CNTN5: variants seen among roughly 807,000 people sequenced by gnomAD.
CNTN5 encodes contactin-5.
In CNTN5, 77 loss-of-function variants were observed where a neutral mutation model predicts 129.1. That is an observed-to-expected ratio of 0.60 (90% CI 0.50 to 0.72). CNTN5 has a LOEUF of 0.72. CNTN5 is among the 30% of genes least tolerant of loss of function. The pLI is 0.00. For synonymous variants in CNTN5, 509 were observed against 465.6 expected (o/e 1.09, Z -1.20); for missense variants, 1,478 against 1,328.8 (o/e 1.11, Z -1.75).
At chr11:99,668,993 A>C (rs1056580061) in intron 3 of CNTN5, among the ~76,000 whole-genome samples, 1 of 152,144 alleles carries the variant, frequency 6.6e-6, no homozygotes, top group Non-Finnish European at 1.5e-5. Context: ...CCACAAGACT[A>C]CAATTTTGAA....
At chr11:99,365,458 T>C (rs529329565) in intron 2 of CNTN5, among the ~76,000 whole-genome samples, 3 of 152,150 alleles carry the variant, frequency 2.0e-5, no homozygotes, top group Admixed American at 1.3e-4. Context: ...TGCTGTTTCA[T>C]AGAACATGTG....
chr11:100,295,583 T>C (rs1220876940), intron 18 of CNTN5, among the ~76,000 whole-genome samples: 3 of 151,530 alleles, frequency 2.0e-5, no homozygotes, highest in Non-Finnish European at 4.4e-5. Flanking sequence ...AGTTACTTTG[T>C]TTTATTCTAT....
chr11:99,817,640 CAG>C (rs1946636694), intron 3 of CNTN5, among the ~76,000 whole-genome samples: 2 of 118,820 alleles, frequency 1.7e-5, no homozygotes, highest in Admixed American at 1.1e-4. Flanking sequence ...ATGAGCAGGG[CAG>C]AGAGTTAAAA....
intron 7 of CNTN5, among the ~76,000 whole-genome samples, chr11:99,936,949 A>T (rs1191506354): frequency 6.6e-6 from 1 of 152,182 alleles, no homozygotes; most frequent in African/African-American, 2.4e-5. Context: ...CAACCATGAT[A>T]TCGATGGAGT....
chr11:99,776,040 G>A (rs1945112119), intron 3 of CNTN5, among the ~76,000 whole-genome samples: 1 of 151,842 alleles, frequency 6.6e-6, no homozygotes. Context: ...TGGTATTCTA[G>A]GTAAAATTTA....
chr11:99,738,616 C>CGTGTGTGTGTGTGTGTGTGTGTGT (rs113729274), intron 3 of CNTN5, among the ~76,000 whole-genome samples: 85 of 143,256 alleles, frequency 5.9e-4, no homozygotes, highest in African/African-American at 1.3e-3. Flanking sequence ...AAGACAGTAA[C>CGTGTGTGTGTGTGTGTGTGTGTGT]GTGTGTGTGT....
intron 13 of CNTN5, among the ~76,000 whole-genome samples, chr11:100,169,011 G>A (rs952515451): frequency 6.6e-6 from 1 of 151,976 alleles, no homozygotes; most frequent in African/African-American, 2.4e-5. Flanking sequence ...GAGTAGTATT[G>A]GAATTGGAGA....
At chr11:99,344,124 T>A (rs1866644959) in intron 2 of CNTN5, among the ~76,000 whole-genome samples, 1 of 152,154 alleles carries the variant, frequency 6.6e-6, no homozygotes, top group African/African-American at 2.4e-5. Flanking sequence ...AGTGCGTAAG[T>A]TTTCGGTAGA....
intron 3 of CNTN5, among the ~76,000 whole-genome samples, chr11:99,803,157 G>A (rs1946165224): frequency 6.6e-6 from 1 of 152,194 alleles, no homozygotes; most frequent in African/African-American, 2.4e-5. Flanking sequence ...TGACCCAGGT[G>A]AGCAGCTGCT....
At chr11:99,323,787 C>G (rs1865668473) in intron 1 of CNTN5, among the ~76,000 whole-genome samples, 1 of 152,100 alleles carries the variant, frequency 6.6e-6, no homozygotes, top group South Asian at 2.1e-4. Flanking sequence ...AAAATTCCTG[C>G]CTTTTTTAGT....
chr11:100,340,315 T>C (rs918549622), intron 21 of CNTN5, 148 bp from the exon 22 acceptor site: 17 of 582,776 alleles, frequency 2.9e-5, no homozygotes, highest in South Asian at 1.4e-4. Context: ...TTTGGCCTTA[T>C]TAGTAAGACC....
chr11:99,693,229 A>T (rs768034929), intron 3 of CNTN5, among the ~76,000 whole-genome samples: 62 of 152,170 alleles, frequency 4.1e-4, no homozygotes, highest in Non-Finnish European at 7.6e-4. Context: ...AGAAAATACA[A>T]ATATATTTAA....
chr11:99,637,417 A>T (rs1951603456), intron 3 of CNTN5, among the ~76,000 whole-genome samples: 1 of 152,216 alleles, frequency 6.6e-6, no homozygotes, highest in Non-Finnish European at 1.5e-5. Flanking sequence ...AACATAAGCA[A>T]ACACATCACA....
intron 1 of CNTN5, among the ~76,000 whole-genome samples, chr11:99,098,873 T>C (rs897676615): frequency 1.3e-5 from 2 of 152,160 alleles, no homozygotes; most frequent in Admixed American, 1.3e-4. Flanking sequence ...CTCAGCTGTC[T>C]TTAGTTTCAC....
At chr11:99,562,929 G>A (rs1948889270) in intron 3 of CNTN5, among the ~76,000 whole-genome samples, 1 of 152,158 alleles carries the variant, frequency 6.6e-6, no homozygotes. Flanking sequence ...CGAGCTAAAA[G>A]TAAATCTGTG....
intron 8 of CNTN5, among the ~76,000 whole-genome samples, chr11:99,968,324 G>T (rs1421378599): frequency 2.0e-5 from 3 of 152,166 alleles, no homozygotes; most frequent in Non-Finnish European, 4.4e-5. Context: ...GGCTACACAT[G>T]TAGATAATCT....
chr11:99,117,712 G>C (rs1432720913), intron 1 of CNTN5, among the ~76,000 whole-genome samples: 1 of 152,108 alleles, frequency 6.6e-6, no homozygotes, highest in African/African-American at 2.4e-5. Flanking sequence ...GGGCTCCCAT[G>C]ATGGGAGTAG....
At position 100,250,675 on chromosome 11, in the gene CNTN5, T is replaced by C. The variant is rs187487192; in HGVS notation, c.2006-5085T>C. On this transcript the variant is annotated intron_variant, in intron 16 of 24. Transcript: ENST00000524871. ...CACTAATTATTTTCTAAGAACCATA[T>C]TTGGGCAAATAGACAAATATCAAAA... Among the ~76,000 whole-genome samples the C allele has an allele frequency of 5.1e-3, 784 of 152,238 alleles. 4 individuals are homozygous for C. The highest frequency in any genetic ancestry group is 0.018 in the African/African-American group (749 of 41,570).
chr11:100,089,492 AG>A (rs1178138792), intron 13 of CNTN5, among the ~76,000 whole-genome samples: 1 of 152,194 alleles, frequency 6.6e-6, no homozygotes, highest in African/African-American at 2.4e-5. Flanking sequence ...TGAGTAAGAC[AG>A]TGTGGCCATT....
Sources: gnomAD v4.1 joint callset for allele counts (sites outside exome capture counted in the v4.1 genomes callset) on GRCh38, gnomAD v4.1.1 for gene constraint, MANE v1.5 for transcripts, NCBI Gene and HGNC (gene_info 2026-07-23, HGNC 2026-07-21) for gene names.